The following REV3L variants were observed in gnomAD, a reference collection of about 807,000 sequenced individuals.
REV3L encodes the protein DNA polymerase zeta catalytic subunit.
Under a neutral mutation model 299.4 loss-of-function variants are expected in REV3L, and 69 were observed. The ratio of observed to expected loss-of-function variants is 0.23; its 90% CI spans 0.19 to 0.28. REV3L has a LOEUF of 0.28. Ranked by LOEUF, REV3L falls within the 10% of genes least tolerant of loss-of-function variation. The pLI is 1.00. For synonymous variants in REV3L, 1,238 were observed against 1,271.4 expected, an observed-to-expected ratio of 0.97 and a Z score of 0.56; for missense variants, 3,128 against 3,693.8, an observed-to-expected ratio of 0.85 and a Z score of 3.97.
At chr6:111,393,639 C>T (rs565991734) in intron 4 of REV3L, among the ~76,000 whole-genome samples, 17 of 152,260 alleles carry the variant, frequency 1.1e-4, no homozygotes, top group South Asian at 1.0e-3. Context: ...AGCCTGTCTT[C>T]GTATCTTCCT....
In REV3L at chr6:111,408,981, C is replaced by A. The variant is rs566526853; in HGVS notation, c.404+2499G>T. ...ATTACAAGTGTGAGCCACCGTGCCCCACCTACTAATTTTAAAGTAACAATA... is the reference window on the plus strand; with the variant it reads ...ATTACAAGTGTGAGCCACCGTGCCCAACCTACTAATTTTAAAGTAACAATA... On this transcript the variant is annotated intron_variant, in intron 3 of 31. Transcript: ENST00000368802. Among the ~76,000 whole-genome samples, 250 of 152,232 alleles carry A rather than the reference C, an allele frequency of 1.6e-3. 3 individuals carry two copies. The highest frequency in any genetic ancestry group is 3.4e-3 in the Middle Eastern group (1 of 294).
intron 1 of REV3L, among the ~76,000 whole-genome samples, chr6:111,421,880 T>C (rs1476907005): frequency 1.3e-5 from 2 of 152,248 alleles, no homozygotes; most frequent in Admixed American, 1.3e-4. Context: ...TATCATTAAC[T>C]CCATCTGTTT....
intron 1 of REV3L, among the ~76,000 whole-genome samples, chr6:111,481,497 T>C (rs1409510191): frequency 6.6e-6 from 1 of 152,204 alleles, no homozygotes; most frequent in Admixed American, 6.5e-5. Flanking sequence ...CTCACAACAT[T>C]GACATTTTAA....
Position 111,313,502 on chromosome 6 carries a change from T to TA in REV3L, c.8467-14dup. 6.3e-7 allele frequency: 1 copy of TA among 1,590,850 alleles called. No individual in the cohort carries two copies. The highest frequency in any genetic ancestry group is 1.4e-5 in the African/African-American group (1 of 73,570). On this transcript the variant is annotated splice_polypyrimidine_tract_variant and intron_variant, in intron 27 of 31. Transcript: ENST00000368802. Reference sequence around the variant, plus strand: ...AGGGCAAATATACCTGTGGTAAAATTAATAAAATGCCTCTTAAAAACCATT... The same window carrying TA: ...AGGGCAAATATACCTGTGGTAAAATTAAATAAAATGCCTCTTAAAAACCATT...
chr6:111,313,632 G>C (rs1773212331), intron 27 of REV3L, 143 bp from the exon 28 acceptor site: 1 of 725,278 alleles, frequency 1.4e-6, no homozygotes, highest in Admixed American at 3.3e-5. Flanking sequence ...ACAAATTCAT[G>C]ATATAACACG....
chr6:111,421,018 C>T (rs1785286517), intron 1 of REV3L, among the ~76,000 whole-genome samples: 1 of 152,076 alleles, frequency 6.6e-6, no homozygotes, highest in African/African-American at 2.4e-5. Flanking sequence ...GTCCCAGACA[C>T]TCGGGAGGCT....
intron 1 of REV3L, among the ~76,000 whole-genome samples, chr6:111,464,352 AC>A (rs1410466075): frequency 6.6e-6 from 1 of 152,212 alleles, no homozygotes; most frequent in Non-Finnish European, 1.5e-5. Flanking sequence ...GCCATACCCT[AC>A]CTACTGGCAA....
At chr6:111,468,524 A>C (rs1014859542) in intron 1 of REV3L, among the ~76,000 whole-genome samples, 3 of 152,180 alleles carry the variant, frequency 2.0e-5, no homozygotes, top group Admixed American at 2.0e-4. Flanking sequence ...GCATATGAAA[A>C]AACACTCAAT....
At chr6:111,363,136 G>C (rs1778866286) in intron 16 of REV3L, among the ~76,000 whole-genome samples, 2 of 152,204 alleles carry the variant, frequency 1.3e-5, no homozygotes, top group African/African-American at 4.8e-5. Flanking sequence ...GTGCTGTGAA[G>C]ATAGCTGGAT....
Position 111,339,037 on chromosome 6 carries a change from G to T in REV3L, c.7539-3427C>A, listed in dbSNP as rs553620875. 3.3e-5 allele frequency among the ~76,000 whole-genome samples: 5 copies of T among 152,122 alleles called. No individual in the cohort carries two copies. The East Asian group carries it at 7.7e-4, about 24-fold the overall frequency. ...TGTGTGAAACAGTGGTTTCACTGTT[G>T]TAAGGTGAAACTGTTGTAAGGTGTT... On this transcript the variant is annotated intron_variant, in intron 21 of 31. Coordinates refer to ENST00000368802, the MANE Select transcript of REV3L (RefSeq NM_001372078.1).
At position 111,374,007 on chromosome 6, in the gene REV3L, C is replaced by T. The variant is rs1260142209; in HGVS notation, c.4348G>A (p.Glu1450Lys). The change falls in exon 13 of 32, where the codon GAG (glutamate) becomes AAG (lysine). Residue 1450 changes from glutamate (E) to lysine (K), a missense_variant. This residue lies in a region of REV3L where 2,409 missense variants were observed against 2,611.8 expected (regional missense o/e 0.92). Coordinates refer to ENST00000368802, the MANE Select transcript of REV3L (RefSeq NM_001372078.1). ...ETCSPGNTASEESQMPNNCFV... is the reference protein window; with the variant it reads ...ETCSPGNTASKESQMPNNCFV... ...CAATTATTAGGCATTTGGCTTTCCT[C>T]TGAAGCTGTATTTCCCGGAGAACAA... 5.0e-6 allele frequency: 8 copies of T among 1,614,024 alleles called. No individual in the cohort carries two copies. Among genetic ancestry groups the T allele is most frequent in the Non-Finnish European group, 6.8e-6 (8 of 1,180,008 alleles).
At chr6:111,332,888 G>A (rs1165236841) in intron 23 of REV3L, among the ~76,000 whole-genome samples, 2 of 152,162 alleles carry the variant, frequency 1.3e-5, no homozygotes, top group Non-Finnish European at 2.9e-5. Context: ...ACAGTTGCAA[G>A]GCTGACCTAT....
At chr6:111,301,445 G>A (rs1771512215) in intron 31 of REV3L, among the ~76,000 whole-genome samples, 2 of 151,836 alleles carry the variant, frequency 1.3e-5, no homozygotes. Flanking sequence ...TGTGGCTCAA[G>A]GGGCATCAAG....
chr6:111,311,297 T>C (rs1772951300), intron 28 of REV3L, 38 bp from the exon 29 acceptor site: 5 of 1,490,516 alleles, frequency 3.4e-6, no homozygotes, highest in Non-Finnish European at 4.6e-6. Context: ...AGATAAAATA[T>C]CTCCTAGTAT....
rs928398759 is a variant in REV3L, at chr6:111,392,955, T to C, written c.583A>G (p.Thr195Ala). 1.2e-6 allele frequency: 2 copies of C among 1,605,248 alleles called. No individual in the cohort carries two copies. Among genetic ancestry groups the C allele is most frequent in the Non-Finnish European group, 1.7e-6 (2 of 1,172,132 alleles). The change falls in exon 5 of 32, where the codon ACT becomes GCT. Residue 195 changes from threonine to alanine, a missense_variant. By Grantham distance (58) the Thr-to-Ala change is moderately conservative. Transcript: ENST00000368802. Reference sequence around the variant, plus strand: ...GATAAATGATTCTTGCAGGATCCAGTTGCATGCAATGTATTACCTAGGAAT... The same window carrying C: ...GATAAATGATTCTTGCAGGATCCAGCTGCATGCAATGTATTACCTAGGAAT... ...ARRKSNTLHATGSCKNHLSGN... is the reference protein window; with the variant it reads ...ARRKSNTLHAAGSCKNHLSGN...
intron 1 of REV3L, among the ~76,000 whole-genome samples, chr6:111,428,888 G>A (rs868709680): frequency 2.0e-5 from 3 of 152,176 alleles, no homozygotes; most frequent in East Asian, 3.9e-4. Flanking sequence ...AGGAATAAAG[G>A]TAAGACAACA....
At chr6:111,427,363 A>C (rs1786300195) in intron 1 of REV3L, among the ~76,000 whole-genome samples, 1 of 152,230 alleles carries the variant, frequency 6.6e-6, no homozygotes, top group South Asian at 2.1e-4. Context: ...TATCTAGAAC[A>C]AACAACTCTT....
At position 111,451,636 on chromosome 6, in the gene REV3L, G is replaced by A. The variant is rs550687575; in HGVS notation, c.139+31114C>T. On this transcript the variant is annotated intron_variant, in intron 1 of 31. Transcript: ENST00000368802. ...GCAAATTTTGGGCCCAATACCGAAGGGAATTTTTATAAAGCTACCTCACAG... is the reference window on the plus strand; with the variant it reads ...GCAAATTTTGGGCCCAATACCGAAGAGAATTTTTATAAAGCTACCTCACAG... Among the ~76,000 whole-genome samples, 10 of 151,888 alleles carry A rather than the reference G, an allele frequency of 6.6e-5. No individual in the cohort carries two copies. The South Asian group carries it at 1.9e-3, about 28-fold the overall frequency.
intron 18 of REV3L, among the ~76,000 whole-genome samples, chr6:111,355,319 C>T (rs895907295): frequency 6.6e-6 from 1 of 152,080 alleles, no homozygotes; most frequent in Admixed American, 6.6e-5. Context: ...GTATTATCTA[C>T]CCATTTTACA....
Sources: allele counts gnomAD v4.1 joint callset (sites outside exome capture counted in the v4.1 genomes callset), GRCh38; gene constraint gnomAD v4.1.1; regional missense constraint gnomAD v4.1.1; transcripts MANE v1.5; gene names NCBI Gene and HGNC (gene_info 2026-07-23, HGNC 2026-07-21).